Variants in NOVA1 observed in about 807,000 individuals in gnomAD.
NOVA1 encodes the protein NOVA alternative splicing regulator 1.
Under a neutral mutation model 38.0 loss-of-function variants are expected in NOVA1, and 7 were observed. That is an observed-to-expected ratio of 0.18 (90% CI 0.10 to 0.35). The LOEUF (loss-of-function observed/expected upper bound fraction) is 0.35. NOVA1 is among the 10% of genes least tolerant of loss of function. NOVA1 has a pLI of 1.00. For missense variants in NOVA1, 460 were observed against 616.0 expected, an observed-to-expected ratio of 0.75 and a Z score of 2.68; for synonymous variants, 270 against 232.5, an observed-to-expected ratio of 1.16 and a Z score of -1.47.
At chr14:26,554,138 AAAAG>A (rs1336397297) in intron 2 of NOVA1, among the ~76,000 whole-genome samples, 15 of 148,882 alleles carry the variant, frequency 1.0e-4, no homozygotes, top group Non-Finnish European at 1.3e-4. Flanking sequence ...GAAAAAAAAA[AAAAG>A]AAAGAAAAGG....
intron 2 of NOVA1, among the ~76,000 whole-genome samples, chr14:26,507,870 A>G (rs1404373263): frequency 1.3e-5 from 2 of 152,100 alleles, no homozygotes. Context: ...CTTTCACCAA[A>G]ACAAAAACAT....
chr14:26,474,931 T>C (rs1380035955), intron 3 of NOVA1, among the ~76,000 whole-genome samples: 1 of 152,020 alleles, frequency 6.6e-6, no homozygotes, highest in Admixed American at 6.6e-5. Flanking sequence ...TTTATAACAA[T>C]AAAAATACCC....
At chr14:26,592,162 T>C (rs1893888522) in intron 2 of NOVA1, among the ~76,000 whole-genome samples, 1 of 151,590 alleles carries the variant, frequency 6.6e-6, no homozygotes, top group Admixed American at 6.6e-5. Context: ...TCGGATTACC[T>C]ACCTGAACCA....
chr14:26,531,079 G>A (rs1889676678), intron 2 of NOVA1, among the ~76,000 whole-genome samples: 1 of 152,116 alleles, frequency 6.6e-6, no homozygotes, highest in African/African-American at 2.4e-5. Flanking sequence ...TGTTTTATTT[G>A]TTGGATGGGT....
intron 2 of NOVA1, among the ~76,000 whole-genome samples, chr14:26,528,679 C>G (rs558221126): frequency 2.0e-5 from 3 of 151,998 alleles, no homozygotes; most frequent in African/African-American, 7.2e-5. Context: ...AACTGTTGAC[C>G]AATGAAGAAT....
chr14:26,491,887 T>A (rs1393508642), intron 2 of NOVA1, among the ~76,000 whole-genome samples: 1 of 152,172 alleles, frequency 6.6e-6, no homozygotes, highest in Non-Finnish European at 1.5e-5. Context: ...CTCTGTAATT[T>A]TTCAATATTG....
At chr14:26,580,107 C>G (rs145486041) in intron 2 of NOVA1, among the ~76,000 whole-genome samples, 1 of 151,640 alleles carries the variant, frequency 6.6e-6, no homozygotes, top group South Asian at 2.1e-4. Context: ...TTAAAATAAG[C>G]CTTATGAATT....
At chr14:26,458,507 A>C (rs1190785670) in intron 4 of NOVA1, among the ~76,000 whole-genome samples, 1 of 152,114 alleles carries the variant, frequency 6.6e-6, no homozygotes, top group African/African-American at 2.4e-5. Flanking sequence ...TGTAAAAAGG[A>C]AGAAAATTAT....
chr14:26,547,358 G>A (rs879168468), intron 2 of NOVA1, among the ~76,000 whole-genome samples: 9 of 151,856 alleles, frequency 5.9e-5, no homozygotes, highest in African/African-American at 1.5e-4. Flanking sequence ...CTGAAACACC[G>A]ACAGTTTATT....
chr14:26,550,593 T>C (rs548467878), intron 2 of NOVA1, among the ~76,000 whole-genome samples: 180 of 152,266 alleles, frequency 1.2e-3, no homozygotes, highest in African/African-American at 4.1e-3. Context: ...GAAAATCAAA[T>C]TCAATAATTA....
At chr14:26,538,071 G>C (rs1489451934) in intron 2 of NOVA1, among the ~76,000 whole-genome samples, 2 of 152,082 alleles carry the variant, frequency 1.3e-5, no homozygotes, top group East Asian at 3.9e-4. Context: ...GGGGGAAACT[G>C]ACATAAGAGA....
chr14:26,497,526 C>T (rs1331733532), intron 2 of NOVA1, among the ~76,000 whole-genome samples: 1 of 152,166 alleles, frequency 6.6e-6, no homozygotes, highest in Non-Finnish European at 1.5e-5. Flanking sequence ...AGGATTATCA[C>T]ATAATGCTCC....
chr14:26,546,047 T>A (rs574706848), intron 2 of NOVA1, among the ~76,000 whole-genome samples: 1 of 152,200 alleles, frequency 6.6e-6, no homozygotes, highest in Admixed American at 6.5e-5. Flanking sequence ...AATCATTTGA[T>A]ATATAAAATA....
intron 4 of NOVA1, among the ~76,000 whole-genome samples, chr14:26,453,311 G>T (rs1020985131): frequency 6.6e-6 from 1 of 152,058 alleles, no homozygotes; most frequent in Non-Finnish European, 1.5e-5. Flanking sequence ...GGGCTGAAGC[G>T]ATCCACCTGG....
chr14:26,552,417 A>G (rs1029374095), intron 2 of NOVA1, among the ~76,000 whole-genome samples: 1 of 152,184 alleles, frequency 6.6e-6, no homozygotes, highest in Non-Finnish European at 1.5e-5. Flanking sequence ...GGATGATTCA[A>G]CTGGGGTGAT....
At chr14:26,579,950 G>T (rs1594574185) in intron 2 of NOVA1, among the ~76,000 whole-genome samples, 1 of 151,128 alleles carries the variant, frequency 6.6e-6, no homozygotes, top group African/African-American at 2.4e-5. Flanking sequence ...TTTAGAGATG[G>T]GGTCTCACTA....
At chr14:26,575,963 T>C (rs557084296) in intron 2 of NOVA1, among the ~76,000 whole-genome samples, 53 of 152,054 alleles carry the variant, frequency 3.5e-4, no homozygotes, top group African/African-American at 9.9e-4. Flanking sequence ...TTATGGAGAC[T>C]AAAATGAGGA....
chr14:26,466,921 C>G (rs191060856), intron 4 of NOVA1, among the ~76,000 whole-genome samples: 1 of 152,184 alleles, frequency 6.6e-6, no homozygotes, highest in East Asian at 1.9e-4. Context: ...GACTTCCCAG[C>G]CTTCAGAGCT....
At chr14:26,501,905 T>C (rs1887269225) in intron 2 of NOVA1, among the ~76,000 whole-genome samples, 1 of 151,902 alleles carries the variant, frequency 6.6e-6, no homozygotes, top group Admixed American at 6.6e-5. Context: ...GAAATAAAGA[T>C]AAGGAATAAA....
Sources: allele counts gnomAD v4.1 joint callset (sites outside exome capture counted in the v4.1 genomes callset), GRCh38; gene constraint gnomAD v4.1.1; transcripts MANE v1.5; gene names NCBI Gene and HGNC (gene_info 2026-07-23, HGNC 2026-07-21).